Variants in ABCG1 observed in about 807,000 individuals in gnomAD.
ABCG1 encodes ATP binding cassette subfamily G member 1.
ABCG1 carries 29 observed loss-of-function variants against 69.2 expected under a neutral mutation model. The ratio of observed to expected loss-of-function variants is 0.42; its 90% CI spans 0.31 to 0.57. The LOEUF is 0.57. Among genes scored for constraint, ABCG1 ranks in the 20% least tolerant of loss-of-function variants. ABCG1 has a pLI of 0.15. For synonymous variants in ABCG1, 370 were observed against 374.8 expected (o/e 0.99, Z 0.15); for missense variants, 718 against 898.1 (o/e 0.80, Z 2.56).
In ABCG1 at chr21:42,291,455, TG is replaced by T; in HGVS notation, c.1495-40del. 1.9e-6 allele frequency: 3 copies of T among 1,581,662 alleles called. No individual in the cohort carries two copies. Among genetic ancestry groups the T allele is most frequent in the Non-Finnish European group, 2.6e-6 (3 of 1,158,824 alleles). On this transcript the variant is annotated intron_variant, in intron 12 of 14. Transcript: ENST00000398449. This position sits in a 1 kb window ranked among gnomAD's most constrained non-coding sequence, Gnocchi z 6.4. ...GAGCTTTGCTGTTGGCCTGCTGTGG[TG>T]GGAAGCGGCTGAGCCCGCGGCTGAC...
chr21:42,243,603 A>G (rs1253615667), intron 2 of ABCG1, among the ~76,000 whole-genome samples: 1 of 151,774 alleles, frequency 6.6e-6, no homozygotes, highest in Non-Finnish European at 1.5e-5. Flanking sequence ...TCATCATCTG[A>G]TTTATCCCCC....
chr21:42,223,359 G>A (rs959259144), intron 1 of ABCG1, among the ~76,000 whole-genome samples: 6 of 152,122 alleles, frequency 3.9e-5, no homozygotes, highest in Non-Finnish European at 7.3e-5. Flanking sequence ...TCTGTGTTGC[G>A]TTAGATATCC....
At chr21:42,260,457 G>C (rs1266870930) in intron 2 of ABCG1, among the ~76,000 whole-genome samples, 1 of 152,180 alleles carries the variant, frequency 6.6e-6, no homozygotes, top group Non-Finnish European at 1.5e-5. Context: ...TTCTTTTGAA[G>C]TTGAAAAGAT....
At chr21:42,228,668 G>A (rs938160532) in intron 2 of ABCG1, among the ~76,000 whole-genome samples, 6 of 152,192 alleles carry the variant, frequency 3.9e-5, no homozygotes. Context: ...GGCCTTATGG[G>A]GTGCCAGGGT....
intron 2 of ABCG1, among the ~76,000 whole-genome samples, chr21:42,265,590 G>A (rs564746430): frequency 2.6e-5 from 4 of 152,182 alleles, no homozygotes; most frequent in South Asian, 2.1e-4. Flanking sequence ...CCCCTAGCAC[G>A]TTCAGGGGGA....
chr21:42,277,656 T>G (rs2068734684), intron 5 of ABCG1, among the ~76,000 whole-genome samples: 1 of 152,232 alleles, frequency 6.6e-6, no homozygotes, highest in African/African-American at 2.4e-5. Flanking sequence ...TGAGATGGAA[T>G]TTGGGGAAAC....
chr21:42,259,996 CGGCATCCTGCACGTG>C (rs531274135), intron 2 of ABCG1: 28,654 of 1,535,738 alleles, frequency 0.019, 344 homozygotes, highest in Middle Eastern at 0.029. Flanking sequence ...CAGGCCAGTG[CGGCATCCTGCACGTG>C]GTCAGTCCAA....
chr21:42,234,777 G>C (rs1299426656), intron 2 of ABCG1, among the ~76,000 whole-genome samples: 1 of 152,050 alleles, frequency 6.6e-6, no homozygotes, highest in Non-Finnish European at 1.5e-5. Flanking sequence ...CTCAACGCCC[G>C]GGAGAAAACA....
intron 2 of ABCG1, chr21:42,260,154 T>C (rs1569223956): frequency 9.0e-6 from 14 of 1,550,576 alleles, no homozygotes; most frequent in Non-Finnish European, 1.2e-5. Context: ...GGATGAGTTG[T>C]GTTGCTTCTC....
intron 2 of ABCG1, among the ~76,000 whole-genome samples, chr21:42,208,466 A>AT (rs1206266529): frequency 6.6e-6 from 1 of 152,318 alleles, no homozygotes; most frequent in East Asian, 1.9e-4. Flanking sequence ...AGGGAAAAAT[A>AT]TGTCTATTCC....
chr21:42,294,615 C>G lies in ABCG1; in HGVS notation c.1727C>G (p.Thr576Ser). ...TCGGGGTTCTTCGTCAGCTTCGACA[C>G]CATCCCCACGTACCTACAGTGGATG... is the stretch of plus-strand genomic sequence containing the variant. ...LFSGFFVSFD[T>S]IPTYLQWMSY... Residue 576 changes from threonine (T) to serine (S), a missense_variant, in exon 14 of 15, where the codon ACC becomes AGC. Thr to Ser is a moderately conservative substitution (Grantham distance 58). Transcript: ENST00000398449. 1.2e-6 allele frequency: 2 copies of G among 1,614,224 alleles called. No homozygotes were observed. Among genetic ancestry groups the G allele is most frequent in the Non-Finnish European group, 1.7e-6 (2 of 1,180,024 alleles).
chr21:42,202,911 A>C (rs2067518009), intron 2 of ABCG1, among the ~76,000 whole-genome samples: 1 of 152,124 alleles, frequency 6.6e-6, no homozygotes, highest in Non-Finnish European at 1.5e-5. Flanking sequence ...CAATGCCCAG[A>C]CTTCAACAGT....
At chr21:42,206,734 G>A (rs1264612614) in intron 2 of ABCG1, among the ~76,000 whole-genome samples, 2 of 152,142 alleles carry the variant, frequency 1.3e-5, no homozygotes, top group Non-Finnish European at 2.9e-5. Flanking sequence ...TGTCCTTCTT[G>A]ATGTTCAAAG....
chr21:42,216,875 T>C (rs2067646581), upstream of ABCG1, among the ~76,000 whole-genome samples: 1 of 152,190 alleles, frequency 6.6e-6, no homozygotes, highest in Non-Finnish European at 1.5e-5. Flanking sequence ...TACTCGGTGC[T>C]GGGCATGCTA....
At chr21:42,222,683 CT>C (rs763751671) in intron 1 of ABCG1, among the ~76,000 whole-genome samples, 1 of 152,190 alleles carries the variant, frequency 6.6e-6, no homozygotes, top group Non-Finnish European at 1.5e-5. Flanking sequence ...CCCAGCACCC[CT>C]GTCCCTGTTA....
At chr21:42,279,228 C>T (rs763888724) in intron 5 of ABCG1, among the ~76,000 whole-genome samples, 8 of 151,990 alleles carry the variant, frequency 5.3e-5, no homozygotes, top group Non-Finnish European at 2.9e-5. Context: ...CACTGATGCT[C>T]GGCGTGGAGG....
At chr21:42,202,465 G>C (rs1215262558) in intron 2 of ABCG1, among the ~76,000 whole-genome samples, 1 of 152,062 alleles carries the variant, frequency 6.6e-6, no homozygotes, top group African/African-American at 2.4e-5. Context: ...TGAAAACCGG[G>C]GGCCGGCAGG....
chr21:42,213,714 A>G (rs1051987657), upstream of ABCG1, among the ~76,000 whole-genome samples: 18 of 152,270 alleles, frequency 1.2e-4, no homozygotes, highest in Admixed American at 6.5e-4. Flanking sequence ...AGGTGGGACC[A>G]TGGAGTCAAA....
intron 2 of ABCG1, among the ~76,000 whole-genome samples, chr21:42,205,581 G>A (rs2067536589): frequency 6.7e-6 from 1 of 149,598 alleles, no homozygotes; most frequent in African/African-American, 2.5e-5. Context: ...CTGGGTGACA[G>A]AGCAAGACTC....
Sources: gnomAD v4.1 joint callset for allele counts (sites outside exome capture counted in the v4.1 genomes callset) on GRCh38, gnomAD v4.1.1 for gene constraint, Gnocchi (gnomAD v3.1) non-coding constraint, MANE v1.5 for transcripts, NCBI Gene and HGNC (gene_info 2026-07-23, HGNC 2026-07-21) for gene names.